The following GSK3B variants were observed in gnomAD, a reference collection of about 807,000 sequenced individuals.
GSK3B encodes the protein glycogen synthase kinase 3 beta.
GSK3B carries 15 observed loss-of-function variants against 56.4 expected under a neutral mutation model. The ratio of observed to expected loss-of-function variants is 0.27; its 90% CI spans 0.18 to 0.41. The LOEUF is 0.41. Among genes scored for constraint, GSK3B ranks in the 10% least tolerant of loss-of-function variants. The pLI is 1.00. For synonymous variants in GSK3B, 181 were observed against 188.9 expected, an observed-to-expected ratio of 0.96 and a Z score of 0.34; for missense variants, 300 against 513.4, an observed-to-expected ratio of 0.58 and a Z score of 4.02.
At chr3:120,035,275 T>C (rs1422405770) in intron 1 of GSK3B, among the ~76,000 whole-genome samples, 1 of 152,170 alleles carries the variant, frequency 6.6e-6, no homozygotes, top group Admixed American at 6.5e-5. Context: ...TGTCAGGGAT[T>C]GCTAGCAAAC....
chr3:119,861,519 A>C (rs1486204849), intron 9 of GSK3B, among the ~76,000 whole-genome samples: 3 of 151,894 alleles, frequency 2.0e-5, no homozygotes, highest in Non-Finnish European at 2.9e-5. Context: ...TCAAAAAAAA[A>C]AAAAACAAAA....
chr3:119,889,256 C>T (rs1038496501), intron 7 of GSK3B, among the ~76,000 whole-genome samples: 1 of 152,044 alleles, frequency 6.6e-6, no homozygotes, highest in Non-Finnish European at 1.5e-5. Context: ...CTGTAAAATT[C>T]CTCTCTTTGT....
intron 1 of GSK3B, among the ~76,000 whole-genome samples, chr3:120,067,909 G>A (rs1019266136): frequency 6.6e-6 from 1 of 152,170 alleles, no homozygotes; most frequent in Admixed American, 6.5e-5. Flanking sequence ...AACAAACCAT[G>A]TTTTTAAGGG....
chr3:119,927,387 G>C (rs1260319501), intron 3 of GSK3B, among the ~76,000 whole-genome samples: 3 of 152,102 alleles, frequency 2.0e-5, no homozygotes, highest in African/African-American at 7.2e-5. Flanking sequence ...GAGTCCAAAG[G>C]CTGAATCAGG....
chr3:120,088,503 G>A (rs996815471), intron 1 of GSK3B, among the ~76,000 whole-genome samples: 1 of 152,014 alleles, frequency 6.6e-6, no homozygotes, highest in Non-Finnish European at 1.5e-5. Flanking sequence ...TATAACCAAG[G>A]ATGATTTGTA....
chr3:119,922,190 T>A, intron 4 of GSK3B, among the ~76,000 whole-genome samples: 1 of 103,744 alleles, frequency 9.6e-6, no homozygotes, highest in African/African-American at 4.4e-5. Flanking sequence ...GGTAGGTAGG[T>A]AGGTAGGTAG....
At chr3:119,906,527 T>C (rs1471851107) in intron 6 of GSK3B, among the ~76,000 whole-genome samples, 1 of 152,136 alleles carries the variant, frequency 6.6e-6, no homozygotes, top group Non-Finnish European at 1.5e-5. Flanking sequence ...CTTTAAAGTA[T>C]ACATCCTGGT....
chr3:120,030,183 T>C (rs909433574), intron 1 of GSK3B, among the ~76,000 whole-genome samples: 16 of 152,190 alleles, frequency 1.1e-4, no homozygotes, highest in African/African-American at 2.4e-5. Context: ...GCTAGTTCCT[T>C]CCCTATCAGC....
intron 1 of GSK3B, among the ~76,000 whole-genome samples, chr3:120,080,134 T>C (rs1350781110): frequency 3.3e-5 from 5 of 151,828 alleles, no homozygotes; most frequent in Non-Finnish European, 7.4e-5. Flanking sequence ...CTACAAAAAA[T>C]ACAAAAATGA....
chr3:120,025,215 G>A (rs2057912780), intron 1 of GSK3B, among the ~76,000 whole-genome samples: 1 of 152,098 alleles, frequency 6.6e-6, no homozygotes, highest in African/African-American at 2.4e-5. Context: ...ATGGTGGTGG[G>A]TGCCTGTAAC....
chr3:120,020,720 A>T (rs1237021812), intron 1 of GSK3B, among the ~76,000 whole-genome samples: 1 of 152,194 alleles, frequency 6.6e-6, no homozygotes, highest in Non-Finnish European at 1.5e-5. Context: ...CCTATCTCTC[A>T]CTTTAAATCA....
In GSK3B at chr3:120,073,256, G is replaced by A. The variant is rs373162593; in HGVS notation, c.88+20091C>T. ...AAAAAAAAAAAAGCCTGGCATGGTG[G>A]TGCGGGCCTGTAGTCCTAGCTAATT... On this transcript the variant is annotated intron_variant, in intron 1 of 10. Coordinates refer to ENST00000264235, the MANE Select transcript of GSK3B (RefSeq NM_001146156.2). Among the ~76,000 whole-genome samples the A allele has an allele frequency of 1.6e-4, 24 of 150,708 alleles. No homozygotes were observed. The East Asian group carries it at 3.9e-3, about 24-fold the overall frequency.
intron 1 of GSK3B, among the ~76,000 whole-genome samples, chr3:120,014,574 T>A (rs1270618199): frequency 6.6e-6 from 1 of 152,132 alleles, no homozygotes; most frequent in African/African-American, 2.4e-5. Flanking sequence ...ATCAATCAAA[T>A]CAACCCTAAT....
At chr3:120,072,004 GA>G (rs1445217815) in intron 1 of GSK3B, among the ~76,000 whole-genome samples, 1 of 152,146 alleles carries the variant, frequency 6.6e-6, no homozygotes, top group African/African-American at 2.4e-5. Context: ...GAAAGGGAGA[GA>G]AAAGTTCACA....
At chr3:119,851,281 G>A (rs1225950210) in intron 9 of GSK3B, among the ~76,000 whole-genome samples, 1 of 152,130 alleles carries the variant, frequency 6.6e-6, no homozygotes, top group African/African-American at 2.4e-5. Context: ...AAATTCCCAT[G>A]AAAAGACAAA....
chr3:119,954,209 G>A (rs774835509), intron 2 of GSK3B, among the ~76,000 whole-genome samples: 18 of 150,380 alleles, frequency 1.2e-4, no homozygotes, highest in Non-Finnish European at 2.1e-4. Flanking sequence ...GCACTGAGAA[G>A]GAAGTGTGGA....
In GSK3B at chr3:119,822,983, A is replaced by G. The variant is rs2055436987; in HGVS notation, c.*3805T>C. ...AGAAACCTTTGCATTGGTGCAGACA[A>G]GATGACTGGTTAGGCATACATTGTT... On this transcript the variant is annotated 3_prime_UTR_variant, in exon 11 of 11. Coordinates refer to ENST00000264235, the MANE Select transcript of GSK3B (RefSeq NM_001146156.2). 4.3e-6 allele frequency: 1 copy of G among 229,948 alleles called. No individual in the cohort carries two copies. Among genetic ancestry groups the G allele is most frequent in the Non-Finnish European group, 8.6e-6 (1 of 115,990 alleles). The allele number at this position is 229,948 out of a possible 1,614,324, so 14.2% of individuals were successfully genotyped here.
chr3:120,035,003 GA>G (rs1254593490), intron 1 of GSK3B, among the ~76,000 whole-genome samples: 4 of 152,074 alleles, frequency 2.6e-5, no homozygotes, highest in African/African-American at 9.7e-5. Context: ...TAAGGTGGAA[GA>G]ATTGCTTGAA....
At chr3:119,896,078 T>C (rs561437213) in intron 7 of GSK3B, among the ~76,000 whole-genome samples, 6 of 149,708 alleles carry the variant, frequency 4.0e-5, no homozygotes, top group Non-Finnish European at 8.9e-5. Context: ...CAGTAAGCCA[T>C]GATTGTACCA....
Sources: allele counts gnomAD v4.1 joint callset (sites outside exome capture counted in the v4.1 genomes callset), GRCh38; gene constraint gnomAD v4.1.1; transcripts MANE v1.5; gene names NCBI Gene and HGNC (gene_info 2026-07-23, HGNC 2026-07-21).